LAMB4: variants seen among roughly 807,000 people sequenced by gnomAD.
LAMB4 encodes the protein laminin subunit beta-4.
A neutral mutation model predicts 199.2 loss-of-function variants in LAMB4; 196 were observed. The ratio of observed to expected loss-of-function variants is 0.98; its 90% CI spans 0.88 to 1.11. The LOEUF (loss-of-function observed/expected upper bound fraction) is 1.11. Among genes scored for constraint, LAMB4 ranks in the 50% least tolerant of loss-of-function variants. The probability of loss-of-function intolerance (pLI) is 0.00; values close to 1 mark genes in which losing one functional copy is unlikely to be tolerated. For missense variants in LAMB4, 2,080 were observed against 2,171.2 expected, an observed-to-expected ratio of 0.96 and a Z score of 0.83; for synonymous variants, 744 against 770.6, an observed-to-expected ratio of 0.97 and a Z score of 0.57.
chr7:108,094,194 A>T lies in LAMB4; in HGVS notation c.1470+1034T>A, dbSNP rs574996175. On this transcript the variant is annotated intron_variant, in intron 12 of 33. Transcript: ENST00000388781. ...CTGCACACGTAGCAGTTAACCAGCC[A>T]GTGAAAAAAGTCAGCCTGAGCCTAA... Among the ~76,000 whole-genome samples, 5 of 152,348 alleles carry T rather than the reference A, an allele frequency of 3.3e-5. No homozygotes were observed. In the South Asian group the frequency reaches 8.3e-4, roughly 25 times the overall value.
At position 108,092,050 on chromosome 7, in the gene LAMB4, G is replaced by T. The variant is rs142159495; in HGVS notation, c.1551-274C>A. ...TGCTCTAAAATCTGGCAAAAAGGGG[G>T]CTTTAGGATCTCTCTTTACAACATG... On this transcript the variant is annotated intron_variant, in intron 13 of 33. Transcript: ENST00000388781. Among the ~76,000 whole-genome samples, 1,019 of 152,234 alleles carry T rather than the reference G, an allele frequency of 6.7e-3. 13 individuals carry two copies. The highest frequency in any genetic ancestry group is 0.021 in the African/African-American group (890 of 41,530).
intron 14 of LAMB4, among the ~76,000 whole-genome samples, chr7:108,089,558 A>T (rs993845604): frequency 2.6e-5 from 4 of 151,834 alleles, no homozygotes; most frequent in Non-Finnish European, 4.4e-5. Flanking sequence ...TGTAGTAAAA[A>T]CTCCTAGAGC....
chr7:108,054,667 A>G (rs773947821), intron 25 of LAMB4, among the ~76,000 whole-genome samples: 2 of 152,108 alleles, frequency 1.3e-5, no homozygotes, highest in Non-Finnish European at 2.9e-5. Context: ...GAATCATAGC[A>G]TCTCTGTCAT....
In LAMB4 at chr7:108,043,788, T is replaced by C. The variant is rs763353477; in HGVS notation, c.4435A>G (p.Asn1479Asp). The C allele has an allele frequency of 1.3e-6, 2 of 1,596,838 alleles. No homozygotes were observed. Among genetic ancestry groups the C allele is most frequent in the Admixed American group, 1.7e-5 (1 of 58,816 alleles). The change falls in exon 29 of 34, where the codon AAT becomes GAT. Residue 1479 changes from asparagine (N) to aspartate (D), a missense_variant. By Grantham distance (23) the Asn-to-Asp change is conservative. Transcript: ENST00000388781. ...TTTTTCACTTTTTTGATGAAAAGAT[T>C]GATGTTTTCTTCTTCAGAGTCACTT... ...NQSDSEEENI[N>D]LFIKKVKNFL...
rs748414855 is a variant in LAMB4 at position 108,091,771 on chromosome 7, G to T, written c.1556C>A (p.Ser519Ter). The T allele has an allele frequency of 6.2e-7, 1 of 1,613,412 alleles. No homozygotes were observed. The highest frequency in any genetic ancestry group is 8.5e-7 in the Non-Finnish European group (1 of 1,179,902). Residue 519 changes from serine (S) to a stop codon, truncating the protein, a stop_gained, in exon 14 of 34, where the codon TCA (serine) becomes TAA (stop). Transcript: ENST00000388781. LOFTEE classifies it high-confidence loss of function. The stretch of plus-strand genomic sequence containing the variant: ...GCATTCACACTGCCCATTCTTGGGT[G>T]AGCACCTGAGGAAAAAGCAATTCAT... Reference protein sequence around the residue: ...DIGGAYSNVCSPKNGQCECRP... With the variant: ...DIGGAYSNVC
At position 108,122,361 on chromosome 7, in the gene LAMB4, T is replaced by C. The variant is rs557318860; in HGVS notation, c.34+770A>G. Among the ~76,000 whole-genome samples the C allele has an allele frequency of 3.3e-5, 5 of 152,244 alleles. No individual in the cohort carries two copies. The South Asian group carries it at 1.0e-3, about 32-fold the overall frequency. ...CTGAGGGCTCCAGATGAATGACAAG[T>C]TTCTGTTCCCACTGGGCTGTGGCTC... On this transcript the variant is annotated intron_variant, in intron 2 of 33. Transcript: ENST00000388781.
intron 31 of LAMB4, among the ~76,000 whole-genome samples, chr7:108,032,999 A>G (rs1343748700): frequency 6.6e-6 from 1 of 152,182 alleles, no homozygotes; most frequent in Non-Finnish European, 1.5e-5. Context: ...GCATTAAAAA[A>G]TCTAAATATC....
chr7:108,062,561 C>T (rs774247558), intron 23 of LAMB4: 11 of 352,468 alleles, frequency 3.1e-5, no homozygotes, highest in Admixed American at 4.7e-5. Context: ...AGAGAGAAAA[C>T]TGAAGTAGGC....
intron 28 of LAMB4, among the ~76,000 whole-genome samples, chr7:108,046,056 A>G (rs755830270): frequency 6.6e-5 from 10 of 151,240 alleles, no homozygotes; most frequent in Non-Finnish European, 1.5e-4. Context: ...CTTGTTCAGG[A>G]GTGGGTCTTT....
In LAMB4 at chr7:108,109,066, T is replaced by C. The variant is rs1584770745; in HGVS notation, c.402+105A>G. 6.0e-6 allele frequency: 5 copies of C among 828,614 alleles called. No homozygotes were observed. The East Asian group carries it at 9.8e-5, about 16-fold the overall frequency. 51.3% of individuals were successfully genotyped at this position (828,614 alleles called of 1,614,324 possible). ...GTGGCAAAGGTCAAGTCTGAACTTA[T>C]TCTGTTTTTGTTCACTGCAAGGAAG... On this transcript the variant is annotated intron_variant, in intron 5 of 33. Coordinates refer to ENST00000388781, the MANE Select transcript of LAMB4 (RefSeq NM_007356.3).
At chr7:108,059,510 G>C (rs1324429056) in intron 23 of LAMB4, among the ~76,000 whole-genome samples, 1 of 151,870 alleles carries the variant, frequency 6.6e-6, no homozygotes, top group Non-Finnish European at 1.5e-5. Flanking sequence ...CCATTATCTT[G>C]GTTGTCTCCC....
At chr7:108,127,648 G>C (rs2038841080) in intron 1 of LAMB4, among the ~76,000 whole-genome samples, 1 of 152,132 alleles carries the variant, frequency 6.6e-6, no homozygotes, top group African/African-American at 2.4e-5. Context: ...TCAGGGCCCA[G>C]CCAGGGACCT....
intron 14 of LAMB4, among the ~76,000 whole-genome samples, chr7:108,091,027 C>T (rs1161112144): frequency 6.6e-6 from 1 of 152,058 alleles, no homozygotes; most frequent in African/African-American, 2.4e-5. Context: ...TTTTCTTTAT[C>T]TATCCAAATC....
At chr7:108,053,700 C>T (rs960620503) in intron 25 of LAMB4, among the ~76,000 whole-genome samples, 1 of 152,224 alleles carries the variant, frequency 6.6e-6, no homozygotes, top group African/African-American at 2.4e-5. Context: ...CTCTTTCTCG[C>T]TCTTTCTCTC....
intron 14 of LAMB4, among the ~76,000 whole-genome samples, chr7:108,087,575 G>A (rs1280835056): frequency 6.6e-6 from 1 of 152,226 alleles, no homozygotes; most frequent in African/African-American, 2.4e-5. Context: ...CTGTAGCCAT[G>A]GGAGGCTGGG....
intron 10 of LAMB4, 82 bp downstream of exon 10, chr7:108,102,962 A>G: frequency 8.1e-7 from 1 of 1,238,114 alleles, no homozygotes; most frequent in Non-Finnish European, 1.1e-6. Flanking sequence ...CGTTAAGCAG[A>G]TAAGGTGCGG....
In LAMB4 at chr7:108,069,895, G is replaced by A; in HGVS notation, c.2125-10C>T. 2 of 1,600,206 alleles carry A rather than the reference G, an allele frequency of 1.2e-6. No homozygotes were observed. Among genetic ancestry groups the A allele is most frequent in the Admixed American group, 1.7e-5 (1 of 58,422 alleles). On this transcript the variant is annotated splice_polypyrimidine_tract_variant and intron_variant, in intron 17 of 33. Coordinates refer to ENST00000388781, the MANE Select transcript of LAMB4 (RefSeq NM_007356.3). Reference sequence around the variant, plus strand: ...GGGGAATAAGGCCAAGCTTTTGAAAGAATGCAAAAAGACTTAACATTCAAA... The same window carrying A: ...GGGGAATAAGGCCAAGCTTTTGAAAAAATGCAAAAAGACTTAACATTCAAA...
chr7:108,061,676 T>C (rs946596277), intron 23 of LAMB4, among the ~76,000 whole-genome samples: 10 of 148,748 alleles, frequency 6.7e-5, no homozygotes, highest in African/African-American at 2.5e-4. Flanking sequence ...GAGGCAGAGG[T>C]TGCAGTGAGC....
chr7:108,024,742 C>T lies in LAMB4; in HGVS notation c.5147-564G>A, dbSNP rs139080088. On this transcript the variant is annotated intron_variant, in intron 33 of 33. Coordinates refer to ENST00000388781, the MANE Select transcript of LAMB4 (RefSeq NM_007356.3). The stretch of plus-strand genomic sequence containing the variant: ...CCATCCATCCATCCATCCATCCATC[C>T]GTCCGTCCATCCGTCCATCCATCCA... 4.8e-4 allele frequency among the ~76,000 whole-genome samples: 73 copies of T among 152,190 alleles called. No homozygotes were observed. The East Asian group carries it at 0.014, about 28-fold the overall frequency.
Sources: gnomAD v4.1 joint callset for allele counts (sites outside exome capture counted in the v4.1 genomes callset) on GRCh38, gnomAD v4.1.1 for gene constraint, MANE v1.5 for transcripts, NCBI Gene and HGNC (gene_info 2026-07-23, HGNC 2026-07-21) for gene names.